The following CNNM2 variants were observed in gnomAD, a reference collection of about 807,000 sequenced individuals.
The protein encoded by CNNM2 is cyclin and CBS domain divalent metal cation transport mediator 2.
CNNM2 carries 12 observed loss-of-function variants against 66.9 expected under a neutral mutation model. That is an observed-to-expected ratio of 0.18 (90% CI 0.11 to 0.29). CNNM2 has a LOEUF of 0.29. Ranked by LOEUF, CNNM2 falls within the 10% of genes least tolerant of loss-of-function variation. The pLI, the probability that CNNM2 is intolerant of heterozygous loss-of-function variation, is 1.00. For synonymous variants in CNNM2, 557 were observed against 501.8 expected, an observed-to-expected ratio of 1.11 and a Z score of -1.47; for missense variants, 705 against 1,167.7, an observed-to-expected ratio of 0.60 and a Z score of 5.77.
At chr10:103,018,935 C>T (rs1006166389) in intron 1 of CNNM2, among the ~76,000 whole-genome samples, 12 of 148,626 alleles carry the variant, frequency 8.1e-5, no homozygotes, top group African/African-American at 2.2e-4. Flanking sequence ...GGATTACAGG[C>T]GTGAGCCGCT....
At chr10:103,076,344 C>T (rs17727391) in intron 7 of CNNM2, 74 bp downstream of exon 7, 19 of 1,424,010 alleles carry the variant, frequency 1.3e-5, no homozygotes, top group Non-Finnish European at 1.8e-5. Flanking sequence ...GTCTGTTTTG[C>T]TCCTTGCCCT....
chr10:103,004,563 A>G (rs1201240831), intron 1 of CNNM2, among the ~76,000 whole-genome samples: 1 of 152,226 alleles, frequency 6.6e-6, no homozygotes, highest in Non-Finnish European at 1.5e-5. Context: ...GTTCAAGGGT[A>G]GAGCCTGAGA....
At chr10:103,016,594 T>C (rs1018650567) in intron 1 of CNNM2, among the ~76,000 whole-genome samples, 3 of 152,182 alleles carry the variant, frequency 2.0e-5, no homozygotes, top group East Asian at 3.9e-4. Flanking sequence ...AGTTTTGATA[T>C]ATGCTGCCAT....
In CNNM2 at chr10:103,080,116, T is replaced by C. The variant is rs1261465482; in HGVS notation, c.*2936T>C. 2 of 152,172 alleles carry C rather than the reference T, an allele frequency of 1.3e-5. No homozygotes were observed. Among genetic ancestry groups the C allele is most frequent in the African/African-American group, 4.8e-5 (2 of 41,406 alleles). The allele number at this position is 152,172 out of a possible 1,614,324, so 9.4% of individuals were successfully genotyped here. On this transcript the variant is annotated 3_prime_UTR_variant, in exon 8 of 8. Coordinates refer to ENST00000369878, the MANE Select transcript of CNNM2 (RefSeq NM_017649.5). ...CTCCCGCGGCGGTGACCTTTTCAAG[T>C]GTGGAAGGGAGTGGGTCGAGTGGAC...
At chr10:102,926,001 T>G (rs962353537) in intron 1 of CNNM2, among the ~76,000 whole-genome samples, 1 of 152,234 alleles carries the variant, frequency 6.6e-6, no homozygotes, top group African/African-American at 2.4e-5. Context: ...ATTTGTTTTC[T>G]CATTGATTAT....
chr10:102,967,128 T>A (rs541870061), intron 1 of CNNM2, among the ~76,000 whole-genome samples: 1 of 152,096 alleles, frequency 6.6e-6, no homozygotes, highest in Non-Finnish European at 1.5e-5. Flanking sequence ...TTTAAAAAAT[T>A]TCTTTTAGAG....
chr10:103,001,036 C>T (rs908345326), intron 1 of CNNM2, among the ~76,000 whole-genome samples: 4 of 152,212 alleles, frequency 2.6e-5, no homozygotes, highest in Non-Finnish European at 5.9e-5. Context: ...TATGCTACAA[C>T]ATGGATGGAC....
intron 4 of CNNM2, among the ~76,000 whole-genome samples, chr10:103,057,639 C>T (rs2065317865): frequency 6.6e-6 from 1 of 152,008 alleles, no homozygotes; most frequent in Non-Finnish European, 1.5e-5. Flanking sequence ...TTTTTCCATC[C>T]TTTTTTCCAT....
chr10:103,090,013 T>C lies in CNNM2; in HGVS notation c.*12833T>C, dbSNP rs1013113635. ...TTAGGTGGCCATGCAATTACATCTATAATGGACCACAGGACAAGTCAATAT... is the reference window on the plus strand; with the variant it reads ...TTAGGTGGCCATGCAATTACATCTACAATGGACCACAGGACAAGTCAATAT... On this transcript the variant is annotated 3_prime_UTR_variant, in exon 8 of 8. Coordinates refer to ENST00000369878, the MANE Select transcript of CNNM2 (RefSeq NM_017649.5). 1 of 809,420 alleles carries C rather than the reference T, an allele frequency of 1.2e-6. No individual in the cohort carries two copies. Among genetic ancestry groups the C allele is most frequent in the Non-Finnish European group, 1.9e-6 (1 of 524,596 alleles). 50.1% of individuals were successfully genotyped at this position (809,420 alleles called of 1,614,324 possible).
chr10:103,050,701 A>T (rs1302436036), intron 2 of CNNM2, among the ~76,000 whole-genome samples: 1 of 152,104 alleles, frequency 6.6e-6, no homozygotes, highest in Non-Finnish European at 1.5e-5. Flanking sequence ...GGTAGGGTAC[A>T]CAGTAAGAAT....
At chr10:102,986,631 T>G (rs2063802216) in intron 1 of CNNM2, among the ~76,000 whole-genome samples, 1 of 147,450 alleles carries the variant, frequency 6.8e-6, no homozygotes, top group Non-Finnish European at 1.5e-5. Flanking sequence ...AAAAAAAAAG[T>G]CAGCTGGGCA....
intron 1 of CNNM2, among the ~76,000 whole-genome samples, chr10:103,048,944 C>G (rs1394354745): frequency 1.3e-5 from 2 of 152,004 alleles, no homozygotes; most frequent in African/African-American, 2.4e-5. Flanking sequence ...CAGCCTCGAA[C>G]TCCTGGATCC....
chr10:102,928,917 G>A (rs1564809140), intron 1 of CNNM2, among the ~76,000 whole-genome samples: 2 of 152,224 alleles, frequency 1.3e-5, no homozygotes, highest in Non-Finnish European at 2.9e-5. Flanking sequence ...AGTCAAGAGA[G>A]ACATTTTAGC....
intron 1 of CNNM2, among the ~76,000 whole-genome samples, chr10:103,038,924 G>T (rs1564856361): frequency 6.6e-6 from 1 of 151,870 alleles, no homozygotes; most frequent in Non-Finnish European, 1.5e-5. Flanking sequence ...TTTTTCTGGT[G>T]TATTTTATGG....
rs957868091 is a variant in CNNM2, at chr10:103,089,533, A to C, written c.*12353A>C. 5 of 1,398,728 alleles carry C rather than the reference A, an allele frequency of 3.6e-6. No individual in the cohort carries two copies. The African/African-American group carries it at 7.3e-5, about 20-fold the overall frequency. The allele number at this position is 1,398,728 out of a possible 1,614,324, so 86.6% of individuals were successfully genotyped here. ...CCAAAACAAGTATCTATGATAATAA[A>C]ATCTTCAGAAACTTTTCAGACGTAC... On this transcript the variant is annotated 3_prime_UTR_variant, in exon 8 of 8. Transcript: ENST00000369878.
chr10:103,057,298 A>T (rs919532997), intron 4 of CNNM2, among the ~76,000 whole-genome samples: 1 of 152,004 alleles, frequency 6.6e-6, no homozygotes, highest in Non-Finnish European at 1.5e-5. Context: ...CGAGACCACC[A>T]TCTCTACAAA....
At chr10:102,957,806 C>T (rs975156265) in intron 1 of CNNM2, among the ~76,000 whole-genome samples, 6 of 152,104 alleles carry the variant, frequency 3.9e-5, no homozygotes, top group Non-Finnish European at 1.5e-5. Flanking sequence ...GCTGGTAGAT[C>T]GCTTACCTGG....
At chr10:103,031,173 T>G (rs1055768553) in intron 1 of CNNM2, among the ~76,000 whole-genome samples, 1 of 152,224 alleles carries the variant, frequency 6.6e-6, no homozygotes, top group African/African-American at 2.4e-5. Flanking sequence ...TCCAAGGCCC[T>G]GGGAAGACCC....
chr10:102,920,143 C>G lies in CNNM2; in HGVS notation c.1621+42C>G. 1.9e-6 allele frequency: 3 copies of G among 1,613,922 alleles called. No individual in the cohort carries two copies. In the African/African-American group the frequency reaches 4.0e-5, roughly 22 times the overall value. On this transcript the variant is annotated intron_variant, in intron 1 of 7. Coordinates refer to ENST00000369878, the MANE Select transcript of CNNM2 (RefSeq NM_017649.5). ...TCTTTCATTGGCTTGCTCTTTCTCT[C>G]TCCATCCTCCTCCCTACTTGAGTCC...
Sources: gnomAD v4.1 joint callset for allele counts (sites outside exome capture counted in the v4.1 genomes callset) on GRCh38, gnomAD v4.1.1 for gene constraint, MANE v1.5 for transcripts, NCBI Gene and HGNC (gene_info 2026-07-23, HGNC 2026-07-21) for gene names.